The following SEMA6D variants were observed in gnomAD, a reference collection of about 807,000 sequenced individuals.
SEMA6D encodes the protein semaphorin 6D.
In SEMA6D, 35 loss-of-function variants were observed where a neutral mutation model predicts 106.6. The observed-to-expected ratio is 0.33, with a 90% CI of 0.25 to 0.44. SEMA6D has a LOEUF of 0.44. Among genes scored for constraint, SEMA6D ranks in the 20% least tolerant of loss-of-function variants. The probability of loss-of-function intolerance (pLI) is 1.00; values close to 1 mark genes in which losing one functional copy is unlikely to be tolerated. For synonymous variants in SEMA6D, 499 were observed against 487.7 expected (o/e 1.02, Z -0.31); for missense variants, 1,185 against 1,345.9 (o/e 0.88, Z 1.87).
chr15:47,747,247 A>G (rs1003524974), intron 1 of SEMA6D, among the ~76,000 whole-genome samples: 1 of 152,144 alleles, frequency 6.6e-6, no homozygotes, highest in Non-Finnish European at 1.5e-5. Context: ...AAAAACTTGT[A>G]GGCAAATTGT....
chr15:47,761,005 T>A lies in SEMA6D; in HGVS notation c.249T>A (p.Asn83Lys), dbSNP rs2082032121. Residue 83 changes from asparagine (N) to lysine (K), a missense_variant, in exon 4 of 19, where the codon AAT becomes AAA. Physicochemically the swap from Asn to Lys is moderately conservative, Grantham distance 94. This residue lies in a region of SEMA6D where 144 missense variants were observed against 138.6 expected (regional missense o/e 1.04). Coordinates refer to ENST00000536845, the MANE Select transcript of SEMA6D (RefSeq NM_001358351.3). ...ATCAAGTTTATACAGTAAACTTAAA[T>A]GAAATGCCCAAAACAGAAGTAATAC... ...GRDQVYTVNL[N>K]EMPKTEVIPN... 1 of 1,613,408 alleles carries A rather than the reference T, an allele frequency of 6.2e-7. No individual in the cohort carries two copies. Among genetic ancestry groups the A allele is most frequent in the Non-Finnish European group, 8.5e-7 (1 of 1,179,666 alleles).
At chr15:47,476,664 A>G (rs894588928) in intron 3 of SEMA6D, among the ~76,000 whole-genome samples, 7 of 152,176 alleles carry the variant, frequency 4.6e-5, no homozygotes, top group African/African-American at 1.7e-4. Context: ...GCATGAATAT[A>G]TAAAGCAGTG....
At chr15:47,273,758 T>C (rs2034669938) in intron 1 of SEMA6D, among the ~76,000 whole-genome samples, 1 of 152,200 alleles carries the variant, frequency 6.6e-6, no homozygotes, top group Non-Finnish European at 1.5e-5. Flanking sequence ...GCAGAATTCT[T>C]TGAGTGAAGC....
rs919092735 is a variant in SEMA6D at position 47,398,579 on chromosome 15, G to A, written c.-238-13814G>A. Among the ~76,000 whole-genome samples the A allele has an allele frequency of 3.3e-5, 5 of 152,138 alleles. No homozygotes were observed. In the East Asian group the frequency reaches 9.6e-4, roughly 29 times the overall value. On this transcript the variant is annotated intron_variant, in intron 1 of 19. Coordinates refer to the SEMA6D transcript ENST00000558014. ...TTCAGTTCCCACTCCCTGTGCCCCT[G>A]AGGATTCAGCTGAGAATTTTAAAGG...
At chr15:47,243,504 T>C (rs62013998) in intron 1 of SEMA6D, among the ~76,000 whole-genome samples, 1,773 of 151,978 alleles carry the variant, frequency 0.012, 33 homozygotes, top group Admixed American at 0.012. Flanking sequence ...AATAGTTACG[T>C]GGTAGGAAGA....
At chr15:47,753,660 T>C (rs1473538571) in intron 1 of SEMA6D, among the ~76,000 whole-genome samples, 1 of 152,164 alleles carries the variant, frequency 6.6e-6, no homozygotes, top group Non-Finnish European at 1.5e-5. Context: ...AGTCTCCATA[T>C]GGAACCATGG....
intron 2 of SEMA6D, among the ~76,000 whole-genome samples, chr15:47,415,258 T>C (rs943160315): frequency 6.6e-6 from 1 of 152,198 alleles, no homozygotes; most frequent in African/African-American, 2.4e-5. Flanking sequence ...ATTGTGTGTG[T>C]ATCTATTTTT....
chr15:47,592,158 A>G (rs1031224357), intron 3 of SEMA6D, among the ~76,000 whole-genome samples: 13 of 152,216 alleles, frequency 8.5e-5, no homozygotes, highest in African/African-American at 2.9e-4. Flanking sequence ...AAGCTGGGAA[A>G]ATATAATCAC....
chr15:47,382,545 CAA>C (rs1209934493), intron 1 of SEMA6D, among the ~76,000 whole-genome samples: 2 of 152,094 alleles, frequency 1.3e-5, no homozygotes, highest in African/African-American at 2.4e-5. Context: ...TGTGTTTATA[CAA>C]AAAGAGATTT....
chr15:47,741,047 G>A (rs1297368916), intron 1 of SEMA6D, among the ~76,000 whole-genome samples: 4 of 152,192 alleles, frequency 2.6e-5, no homozygotes, highest in Admixed American at 2.6e-4. Context: ...AAATAATGAT[G>A]CTTATGTCTT....
chr15:47,322,302 G>A (rs924117922), intron 1 of SEMA6D, among the ~76,000 whole-genome samples: 7 of 140,850 alleles, frequency 5.0e-5, no homozygotes, highest in African/African-American at 1.8e-4. Context: ...TTTGCCTAAT[G>A]TCATTTTTCA....
intron 1 of SEMA6D, among the ~76,000 whole-genome samples, chr15:47,354,203 A>G (rs201086702): frequency 9.8e-5 from 3 of 30,754 alleles, no homozygotes; most frequent in Non-Finnish European, 2.5e-4. Context: ...CTCTCTCTAT[A>G]TATATATATA....
intron 3 of SEMA6D, among the ~76,000 whole-genome samples, chr15:47,506,789 T>C (rs768590553): frequency 1.3e-5 from 2 of 152,208 alleles, no homozygotes; most frequent in Admixed American, 6.5e-5. Flanking sequence ...AGAAGAGATA[T>C]TGACCACATT....
intron 1 of SEMA6D, among the ~76,000 whole-genome samples, chr15:47,273,805 C>T (rs2034674459): frequency 6.6e-6 from 1 of 152,164 alleles, no homozygotes; most frequent in South Asian, 2.1e-4. Context: ...CATATCATGG[C>T]AGTATTTCAT....
At chr15:47,744,253 T>A (rs888592121) in intron 1 of SEMA6D, among the ~76,000 whole-genome samples, 8 of 152,014 alleles carry the variant, frequency 5.3e-5, no homozygotes, top group African/African-American at 1.9e-4. Flanking sequence ...CATAAAACAC[T>A]ATAAGTGAAA....
intron 1 of SEMA6D, chr15:47,731,030 T>A: frequency 3.4e-6 from 2 of 592,126 alleles, no homozygotes; most frequent in Non-Finnish European, 6.0e-6. Context: ...TTAATCTACT[T>A]CATGAATGTG....
At chr15:47,714,164 A>G (rs1013830163), upstream of SEMA6D, among the ~76,000 whole-genome samples, 4 of 152,160 alleles carry the variant, frequency 2.6e-5, no homozygotes, top group African/African-American at 7.2e-5. Flanking sequence ...TTCAATCCAG[A>G]CTAATATTCC....
chr15:47,214,428 G>A (rs2030361435), intron 1 of SEMA6D, among the ~76,000 whole-genome samples: 1 of 152,126 alleles, frequency 6.6e-6, no homozygotes, highest in Non-Finnish European at 1.5e-5. Flanking sequence ...GTCACACAAA[G>A]ACATCTCTGA....
chr15:47,721,355 G>A (rs2079411511), intron 1 of SEMA6D, among the ~76,000 whole-genome samples: 1 of 152,164 alleles, frequency 6.6e-6, no homozygotes, highest in South Asian at 2.1e-4. Context: ...CATTGAATCT[G>A]TCCTTAGAGT....
Sources: gnomAD v4.1 joint callset for allele counts (sites outside exome capture counted in the v4.1 genomes callset) on GRCh38, gnomAD v4.1.1 for gene constraint, gnomAD v4.1.1 regional missense constraint, MANE v1.5 for transcripts, NCBI Gene and HGNC (gene_info 2026-07-23, HGNC 2026-07-21) for gene names.